Variants in DPP10 observed in about 807,000 individuals in gnomAD.
DPP10 encodes the protein inactive dipeptidyl peptidase 10.
In DPP10, 33 loss-of-function variants were observed where a neutral mutation model predicts 120.9. That is an observed-to-expected ratio of 0.27 (90% CI 0.21 to 0.37). DPP10 has a LOEUF of 0.37. Among genes scored for constraint, DPP10 ranks in the 10% least tolerant of loss-of-function variants. The pLI is 1.00. For synonymous variants in DPP10, 337 were observed against 326.1 expected (o/e 1.03, Z -0.36); for missense variants, 816 against 942.8 (o/e 0.87, Z 1.76).
intron 1 of DPP10, among the ~76,000 whole-genome samples, chr2:115,008,230 A>C (rs1701999709): frequency 8.2e-6 from 1 of 122,642 alleles, no homozygotes; most frequent in African/African-American, 3.0e-5. Flanking sequence ...CAAAACAGAG[A>C]TATAGATCAA....
intron 5 of DPP10, among the ~76,000 whole-genome samples, chr2:115,603,451 G>C (rs1475335348): frequency 6.6e-6 from 1 of 151,106 alleles, no homozygotes; most frequent in Non-Finnish European, 1.5e-5. Flanking sequence ...CCAGTGTCTA[G>C]AGAGGAAGGT....
At chr2:114,938,908 G>A (rs1338225015) in intron 1 of DPP10, among the ~76,000 whole-genome samples, 1 of 151,880 alleles carries the variant, frequency 6.6e-6, no homozygotes, top group Non-Finnish European at 1.5e-5. Flanking sequence ...CTTGGGGAGA[G>A]ATTTCTAGCT....
At chr2:114,559,224 G>A (rs891480995) in intron 1 of DPP10, among the ~76,000 whole-genome samples, 9 of 152,116 alleles carry the variant, frequency 5.9e-5, no homozygotes. Context: ...TGAAATGGGG[G>A]GATTATCCTG....
At chr2:114,476,043 C>A (rs1680344018) in intron 1 of DPP10, among the ~76,000 whole-genome samples, 1 of 152,154 alleles carries the variant, frequency 6.6e-6, no homozygotes, top group South Asian at 2.1e-4. Context: ...AACTTTAAAT[C>A]TCTTGGGTGG....
intron 3 of DPP10, among the ~76,000 whole-genome samples, chr2:115,379,754 A>G (rs377300943): frequency 6.6e-6 from 1 of 151,818 alleles, no homozygotes; most frequent in African/African-American, 2.4e-5. Context: ...TATGTTGTGT[A>G]TTTGTTCTCG....
intron 5 of DPP10, among the ~76,000 whole-genome samples, chr2:115,535,739 C>T (rs1474385507): frequency 6.6e-6 from 1 of 151,460 alleles, no homozygotes. Flanking sequence ...TTCTTCCTAC[C>T]CATGAGCATG....
chr2:114,497,080 T>C (rs1172298087), intron 1 of DPP10, among the ~76,000 whole-genome samples: 2 of 150,032 alleles, frequency 1.3e-5, no homozygotes, highest in Non-Finnish European at 3.0e-5. Flanking sequence ...CATATACATA[T>C]ACATGTACAT....
chr2:115,755,963 A>G (rs889202096), intron 11 of DPP10, among the ~76,000 whole-genome samples: 1 of 151,958 alleles, frequency 6.6e-6, no homozygotes, highest in African/African-American at 2.4e-5. Flanking sequence ...TACATAAAAC[A>G]TTCCATTGTA....
At chr2:114,651,575 A>G (rs1287584601) in intron 1 of DPP10, among the ~76,000 whole-genome samples, 1 of 152,180 alleles carries the variant, frequency 6.6e-6, no homozygotes, top group African/African-American at 2.4e-5. Context: ...TCACACTTTG[A>G]AAACCACTAT....
At chr2:114,688,916 G>GTGTGTGTA (rs925708692) in intron 1 of DPP10, among the ~76,000 whole-genome samples, 2 of 151,782 alleles carry the variant, frequency 1.3e-5, no homozygotes, top group African/African-American at 4.8e-5. Context: ...GATGTGGGAA[G>GTGTGTGTA]TGTGTGTATG....
In DPP10 at chr2:114,910,991, T is replaced by C. The variant is rs533338853; in HGVS notation, c.61-398248T>C. On this transcript the variant is annotated intron_variant, in intron 1 of 25. Transcript: ENST00000410059. ...TCTTATCCCCACTATATCTAAACAC[T>C]TTTTATTTTTATATGTACACCTCAT... Among the ~76,000 whole-genome samples the C allele has an allele frequency of 5.3e-5, 8 of 152,258 alleles. No homozygotes were observed. The South Asian group carries it at 1.5e-3, about 28-fold the overall frequency.
At chr2:115,717,671 G>A (rs11894573) in intron 7 of DPP10, among the ~76,000 whole-genome samples, 45 of 152,274 alleles carry the variant, frequency 3.0e-4, no homozygotes, top group African/African-American at 1.1e-3. Context: ...ACTGGAAAAT[G>A]AACAGGAGTT....
At chr2:115,467,891 A>G (rs879365134) in intron 3 of DPP10, among the ~76,000 whole-genome samples, 15 of 152,192 alleles carry the variant, frequency 9.9e-5, no homozygotes, top group African/African-American at 2.7e-4. Context: ...TTAGAGTACT[A>G]TGCAACAGTT....
chr2:115,189,484 C>A lies in DPP10; in HGVS notation c.61-119755C>A, dbSNP rs114218797. The stretch of plus-strand genomic sequence containing the variant: ...ACTAGAGCCAAGGGGTGAAGAGAAC[C>A]AGGAAGTTAAACTTTAAAATGGAGC... On this transcript the variant is annotated intron_variant, in intron 1 of 25. Coordinates refer to ENST00000410059, the MANE Select transcript of DPP10 (RefSeq NM_020868.6). Among the ~76,000 whole-genome samples the A allele has an allele frequency of 4.8e-3, 737 of 152,202 alleles. 7 individuals are homozygous for A. Among genetic ancestry groups the A allele is most frequent in the South Asian group, 9.1e-3 (44 of 4,818 alleles).
intron 1 of DPP10, among the ~76,000 whole-genome samples, chr2:115,099,491 C>A (rs2048575892): frequency 6.6e-6 from 1 of 152,148 alleles, no homozygotes; most frequent in Non-Finnish European, 1.5e-5. Flanking sequence ...GACAAGGTAG[C>A]AGCTATAGCT....
intron 1 of DPP10, among the ~76,000 whole-genome samples, chr2:114,904,260 T>C (rs1693803564): frequency 6.6e-6 from 1 of 152,188 alleles, no homozygotes; most frequent in Non-Finnish European, 1.5e-5. Flanking sequence ...TAAAGGCCAC[T>C]CTTGTGAGAT....
chr2:114,633,789 A>G (rs992481622), intron 1 of DPP10, among the ~76,000 whole-genome samples: 6 of 150,984 alleles, frequency 4.0e-5, no homozygotes, highest in Admixed American at 3.9e-4. Flanking sequence ...ATTTTTTTGT[A>G]TTTTTAGTAC....
intron 1 of DPP10, among the ~76,000 whole-genome samples, chr2:114,768,342 G>A (rs1462228494): frequency 2.0e-5 from 3 of 152,116 alleles, no homozygotes; most frequent in Non-Finnish European, 4.4e-5. Flanking sequence ...AGAATGGTGA[G>A]TAAAGAAATT....
chr2:115,381,096 G>A (rs1377077555), intron 3 of DPP10, among the ~76,000 whole-genome samples: 1 of 152,034 alleles, frequency 6.6e-6, no homozygotes, highest in Non-Finnish European at 1.5e-5. Flanking sequence ...CTGAATGTTG[G>A]CCTGCCTTGC....
Sources: allele counts gnomAD v4.1 joint callset (sites outside exome capture counted in the v4.1 genomes callset), GRCh38; gene constraint gnomAD v4.1.1; transcripts MANE v1.5; gene names NCBI Gene and HGNC (gene_info 2026-07-23, HGNC 2026-07-21).